TPCN2: variants seen among roughly 807,000 people sequenced by gnomAD.
The protein encoded by TPCN2 is two pore segment channel 2, also known as two pore channel protein 2.
In TPCN2, 92 loss-of-function variants were observed where a neutral mutation model predicts 111.4. That is an observed-to-expected ratio of 0.83 (90% CI 0.70 to 0.98). The LOEUF (loss-of-function observed/expected upper bound fraction) is 0.98, where lower values mean the gene tolerates loss of function less well. Ranked by LOEUF, TPCN2 falls within the 50% of genes least tolerant of loss-of-function variation. The pLI is 0.00. For missense variants in TPCN2, 995 were observed against 980.1 expected, an observed-to-expected ratio of 1.02 and a Z score of -0.20; for synonymous variants, 405 against 414.5, an observed-to-expected ratio of 0.98 and a Z score of 0.28.
rs139853896 is a variant in TPCN2, at chr11:69,054,074, G to T, written c.151G>T (p.Val51Phe). Residue 51 changes from valine to phenylalanine, a missense_variant, in exon 2 of 25, where the codon GTC becomes TTC. Val to Phe is a conservative substitution (Grantham distance 50). Transcript: ENST00000294309. ...GGACCTCTGCATTGATCAGGCTGTG[G>T]TCTTCATCGAAGATGCTATTCAGGT... is the stretch of plus-strand genomic sequence containing the variant. ...RWDLCIDQAV[V>F]FIEDAIQYRS... The T allele has an allele frequency of 9.9e-6, 16 of 1,613,678 alleles. No individual in the cohort carries two copies. Among genetic ancestry groups the T allele is most frequent in the Middle Eastern group, 1.6e-4 (1 of 6,082 alleles).
chr11:69,063,602 G>A (rs1855123370), intron 6 of TPCN2, among the ~76,000 whole-genome samples: 1 of 152,070 alleles, frequency 6.6e-6, no homozygotes, highest in African/African-American at 2.4e-5. Context: ...GATGGAAGTG[G>A]CCTCCCCTCT....
At position 69,079,877 on chromosome 11, in the gene TPCN2, C is replaced by T. The variant is rs1481583795; in HGVS notation, c.1583C>T (p.Pro528Leu). The T allele has an allele frequency of 6.2e-7, 1 of 1,613,750 alleles. No individual in the cohort carries two copies. Among genetic ancestry groups the T allele is most frequent in the Admixed American group, 1.7e-5 (1 of 59,998 alleles). Residue 528 changes from proline to leucine, a missense_variant, in exon 17 of 25, where the codon CCA (proline) becomes CTA (leucine). Transcript: ENST00000294309. ...CTGGCTGTGTACCGATTGCCACACC[C>T]AGGCTGGTATGTGACTGGGCAGAAC... Reference protein sequence around the residue: ...STLAVYRLPHPGWRPEMVGLL... With the variant: ...STLAVYRLPHLGWRPEMVGLL...
chr11:69,077,671 G>A (rs1385872072), intron 13 of TPCN2, among the ~76,000 whole-genome samples: 6 of 152,098 alleles, frequency 3.9e-5, no homozygotes, highest in South Asian at 2.1e-4. Flanking sequence ...CTTCTTTGAC[G>A]TATACATGAA....
At chr11:69,064,033 G>A in intron 7 of TPCN2, 66 bp downstream of exon 7, 1 of 1,512,532 alleles carries the variant, frequency 6.6e-7, no homozygotes, top group Non-Finnish European at 9.2e-7. Context: ...AGAGGGGGCT[G>A]GGCTGGTGTC....
chr11:69,065,043 TGTC>T (rs1303432431), intron 7 of TPCN2, among the ~76,000 whole-genome samples: 11 of 88,952 alleles, frequency 1.2e-4, no homozygotes, highest in South Asian at 9.4e-4. Context: ...GTGCGTGTGG[TGTC>T]GTGTGTGTGG....
At chr11:69,065,564 G>A (rs775397024) in intron 7 of TPCN2, among the ~76,000 whole-genome samples, 2 of 152,192 alleles carry the variant, frequency 1.3e-5, no homozygotes, top group African/African-American at 2.4e-5. Flanking sequence ...GATGGTACCC[G>A]GCCCATCCTG....
chr11:69,064,423 C>G (rs975431079), intron 7 of TPCN2, among the ~76,000 whole-genome samples: 2 of 152,126 alleles, frequency 1.3e-5, no homozygotes, highest in Non-Finnish European at 2.9e-5. Flanking sequence ...CTGCAGCCCC[C>G]AAGGCTGCGC....
chr11:69,072,485 A>C, intron 11 of TPCN2, 142 bp from the exon 12 acceptor site: 1 of 731,994 alleles, frequency 1.4e-6, no homozygotes, highest in South Asian at 1.8e-5. Context: ...GATGCTCGTT[A>C]CAGGGGCTCT....
At chr11:69,063,038 CT>C (rs751592360) in intron 6 of TPCN2, 48 bp downstream of exon 6, 2 of 1,544,900 alleles carry the variant, frequency 1.3e-6, no homozygotes, top group Admixed American at 1.7e-5. Flanking sequence ...GGGGCTCTCT[CT>C]GCCCCGGGCC....
chr11:69,061,755 C>T (rs1438641232), intron 5 of TPCN2, among the ~76,000 whole-genome samples: 1 of 151,928 alleles, frequency 6.6e-6, no homozygotes, highest in Non-Finnish European at 1.5e-5. Flanking sequence ...GGAAACGTGG[C>T]ATGATGGAAG....
At position 69,071,010 on chromosome 11, in the gene TPCN2, A is replaced by G. The variant is rs1590730869; in HGVS notation, c.896-346A>G. ...CCAGGGATCCCCCACCAACAGCTTC[A>G]CCCCGGGGATCCCCCACCAACAGCT... On this transcript the variant is annotated intron_variant, in intron 9 of 24. Transcript: ENST00000294309. Among the ~76,000 whole-genome samples the G allele has an allele frequency of 6.0e-5, 6 of 99,496 alleles. No individual in the cohort carries two copies. In the South Asian group the frequency reaches 1.6e-3, roughly 26 times the overall value. 65.3% of individuals were successfully genotyped at this position (99,496 alleles called of 152,430 possible).
intron 11 of TPCN2, 79 bp from the exon 12 acceptor site, chr11:69,072,548 C>T (rs975716169): frequency 6.8e-7 from 1 of 1,467,088 alleles, no homozygotes; most frequent in African/African-American, 1.4e-5. Context: ...AGCCAGACGC[C>T]AGGGCAGGAG....
chr11:69,084,027 GGCT>G lies in TPCN2; in HGVS notation c.1761+19_1761+21del. On this transcript the variant is annotated intron_variant, in intron 19 of 24. Transcript: ENST00000294309. ...GGCGGGATCCTGGTGGTGAGTCCCA[GGCT>G]GCTGCTGGTGGCGGGTTATGCACTG... 4 of 1,613,920 alleles carry G rather than the reference GGCT, an allele frequency of 2.5e-6. No homozygotes were observed. The highest frequency in any genetic ancestry group is 3.4e-6 in the Non-Finnish European group (4 of 1,179,812).
chr11:69,087,237 G>C, intron 24 of TPCN2, 31 bp downstream of exon 24: 1 of 1,598,410 alleles, frequency 6.3e-7, no homozygotes, highest in Non-Finnish European at 8.6e-7. Flanking sequence ...CTTCTGTCTG[G>C]CCCCCTGGGA....
rs145150277 is a variant in TPCN2 at position 69,076,138 on chromosome 11, A to G, written c.1231-2344A>G. ...TTGGGCTGAGGGGAGTGCATGAGGAAGGATGGACCTGGAAGGGGACCCTCC... is the reference window on the plus strand; with the variant it reads ...TTGGGCTGAGGGGAGTGCATGAGGAGGGATGGACCTGGAAGGGGACCCTCC... On this transcript the variant is annotated intron_variant, in intron 13 of 24. Transcript: ENST00000294309. Among the ~76,000 whole-genome samples, 1,470 of 152,306 alleles carry G rather than the reference A, an allele frequency of 9.7e-3. 24 individuals carry two copies. The highest frequency in any genetic ancestry group is 0.034 in the African/African-American group (1,419 of 41,556).
At chr11:69,059,501 G>A (rs1446048976) in intron 5 of TPCN2, among the ~76,000 whole-genome samples, 1 of 152,240 alleles carries the variant, frequency 6.6e-6, no homozygotes, top group Non-Finnish European at 1.5e-5. Context: ...CTGGCTGGGG[G>A]AGAGACAGCC....
chr11:69,064,055 C>A, intron 7 of TPCN2, 88 bp downstream of exon 7: 1 of 1,321,560 alleles, frequency 7.6e-7, no homozygotes, highest in Non-Finnish European at 1.1e-6. Context: ...GCTGCCCTGG[C>A]CTAACCCATG....
chr11:69,086,235 C>T lies in TPCN2; in HGVS notation c.2004-288C>T, dbSNP rs140523520. ...GGGAGCCCCGGGAAGGCTGAGTGAA[C>T]GAGATAGTTCAGCTCTGAGCTTGAA... is the stretch of plus-strand genomic sequence containing the variant. On this transcript the variant is annotated intron_variant, in intron 22 of 24. Transcript: ENST00000294309. Among the ~76,000 whole-genome samples the T allele has an allele frequency of 1.2e-4, 18 of 152,298 alleles. 1 individual carries two copies. In the East Asian group the frequency reaches 2.1e-3, roughly 18 times the overall value.
Position 69,081,774 on chromosome 11 carries a change from G to C in TPCN2, c.1689+275G>C, listed in dbSNP as rs540246902. 3.9e-5 allele frequency among the ~76,000 whole-genome samples: 6 copies of C among 152,218 alleles called. No individual in the cohort carries two copies. The South Asian group carries it at 1.2e-3, about 32-fold the overall frequency. ...TTTGGCCAGTGGCAGGAGCTCCTTGGGGCTGGAGCCCTGGACACCAGTGCT... is the reference window on the plus strand; with the variant it reads ...TTTGGCCAGTGGCAGGAGCTCCTTGCGGCTGGAGCCCTGGACACCAGTGCT... On this transcript the variant is annotated intron_variant, in intron 18 of 24. Transcript: ENST00000294309.
Sources: gnomAD v4.1 joint callset for allele counts (sites outside exome capture counted in the v4.1 genomes callset) on GRCh38, gnomAD v4.1.1 for gene constraint, MANE v1.5 for transcripts, NCBI Gene and HGNC (gene_info 2026-07-23, HGNC 2026-07-21) for gene names.